Variants in SUMO3 observed in about 807,000 individuals in gnomAD.
SUMO3 encodes the protein small ubiquitin-related modifier 3.
Under a neutral mutation model 11.1 loss-of-function variants are expected in SUMO3, and 2 were observed. That is an observed-to-expected ratio of 0.18 (90% CI 0.07 to 0.57). The LOEUF is 0.57. SUMO3 is among the 20% of genes least tolerant of loss of function. The pLI is 0.92. For synonymous variants in SUMO3, 56 were observed against 53.5 expected (o/e 1.05, Z -0.20); for missense variants, 70 against 132.8 (o/e 0.53, Z 2.32).
chr21:44,816,777 TA>T (rs1417359504), intron 1 of SUMO3, among the ~76,000 whole-genome samples: 14 of 151,270 alleles, frequency 9.3e-5, no homozygotes, highest in African/African-American at 3.2e-4. Flanking sequence ...TGGGGGAGAC[TA>T]AAGCCCACCC....
chr21:44,805,776 G>A lies in SUMO3; in HGVS notation c.*1175C>T, dbSNP rs2083172426. 1 of 152,632 alleles carries A rather than the reference G, an allele frequency of 6.6e-6. No homozygotes were observed. The highest frequency in any genetic ancestry group is 1.5e-5 in the Non-Finnish European group (1 of 68,038). The allele number at this position is 152,632 out of a possible 1,614,324, so 9.5% of individuals were successfully genotyped here. On this transcript the variant is annotated 3_prime_UTR_variant, in exon 4 of 4. Transcript: ENST00000332859. The stretch of plus-strand genomic sequence containing the variant: ...TCAGCAAGATTTCAAGCAAGCAAGA[G>A]ATGATGGGTCATTGTTCAGGTGACT...
intron 1 of SUMO3, among the ~76,000 whole-genome samples, chr21:44,815,138 G>A (rs543803556): frequency 4.6e-5 from 7 of 152,322 alleles, no homozygotes; most frequent in South Asian, 2.1e-4. Context: ...TACATCACAC[G>A]CCTGTTCTCT....
At chr21:44,809,525 G>A (rs2083197993) in intron 2 of SUMO3, among the ~76,000 whole-genome samples, 1 of 152,198 alleles carries the variant, frequency 6.6e-6, no homozygotes, top group South Asian at 2.1e-4. Flanking sequence ...AGTGGTCCAT[G>A]GCAGAAGGAA....
rs1053077530 is a variant in SUMO3, at chr21:44,811,934, C to T, written c.150+2042G>A. Among the ~76,000 whole-genome samples the T allele has an allele frequency of 2.6e-5, 4 of 152,064 alleles. No homozygotes were observed. Among genetic ancestry groups the T allele is most frequent in the Non-Finnish European group, 4.4e-5 (3 of 68,030 alleles). ...TGCCCAGCAGCATGAGTGAGAAAAT[C>T]ACCCACCTCTGAGGCACATAAGGAA... On this transcript the variant is annotated intron_variant, in intron 2 of 3. Coordinates refer to ENST00000332859, the MANE Select transcript of SUMO3 (RefSeq NM_006936.3). This position sits in a 1 kb window ranked among gnomAD's most constrained non-coding sequence, Gnocchi z 5.0.
intron 1 of SUMO3, among the ~76,000 whole-genome samples, chr21:44,815,711 G>A (rs983449544): frequency 6.6e-6 from 1 of 152,154 alleles, no homozygotes; most frequent in East Asian, 1.9e-4. Context: ...CCCCCACAGG[G>A]TAATGGCTGC....
At chr21:44,817,470 C>T (rs1027335331) in intron 1 of SUMO3, among the ~76,000 whole-genome samples, 32 of 152,026 alleles carry the variant, frequency 2.1e-4, no homozygotes, top group Non-Finnish European at 3.8e-4. Flanking sequence ...TAACCCCAGA[C>T]GCTTGTTCCC....
intron 2 of SUMO3, among the ~76,000 whole-genome samples, chr21:44,812,021 C>G (rs1175595413): frequency 6.8e-6 from 1 of 147,324 alleles, no homozygotes; most frequent in Non-Finnish European, 1.5e-5. Flanking sequence ...ACAAACAAAG[C>G]ACAGAGAATC....
intron 3 of SUMO3, chr21:44,808,622 G>T (rs958079369): frequency 9.5e-6 from 13 of 1,365,490 alleles, no homozygotes; most frequent in South Asian, 4.0e-5. Context: ...TGAGAGAAAC[G>T]AGCTGTGCAG....
intron 1 of SUMO3, 58 bp downstream of exon 1, chr21:44,817,890 G>A (rs1569310493): frequency 4.2e-3 from 1 of 238 alleles, no homozygotes; most frequent in South Asian, 0.25. Flanking sequence ...GGGCGGAGCC[G>A]GGCTGGGGGC....
chr21:44,817,629 G>T (rs1391645345), intron 1 of SUMO3, among the ~76,000 whole-genome samples: 1 of 150,488 alleles, frequency 6.6e-6, no homozygotes, highest in Non-Finnish European at 1.5e-5. Context: ...GCCGCGCTCT[G>T]CAGGAGCAGC....
rs750770742 is a variant in SUMO3, at chr21:44,814,013, G to A, written c.113C>T (p.Pro38Leu). ...VVQFKIKRHT[P>L]LSKLMKAYCE... ...GTAGGCCTTCATCAGCTTGCTCAGCGGCGTGTGCCTCTTGATCTTGAACTG... is the reference window on the plus strand; with the variant it reads ...GTAGGCCTTCATCAGCTTGCTCAGCAGCGTGTGCCTCTTGATCTTGAACTG... Residue 38 changes from proline (P) to leucine (L), a missense_variant, in exon 2 of 4, where the codon CCG (proline) becomes CTG (leucine). Transcript: ENST00000332859. 7.4e-6 allele frequency: 12 copies of A among 1,613,272 alleles called. No individual in the cohort carries two copies. The highest frequency in any genetic ancestry group is 2.2e-5 in the East Asian group (1 of 44,890).
At chr21:44,816,602 C>CA (rs1345158958) in intron 1 of SUMO3, among the ~76,000 whole-genome samples, 1 of 152,206 alleles carries the variant, frequency 6.6e-6, no homozygotes, top group African/African-American at 2.4e-5. Flanking sequence ...TGGGATGTAA[C>CA]ATAGAGGCCG....
At position 44,811,802 on chromosome 21, in the gene SUMO3, C is replaced by G. The variant is rs911637659; in HGVS notation, c.150+2174G>C. On this transcript the variant is annotated intron_variant, in intron 2 of 3. Transcript: ENST00000332859. This position sits in a 1 kb window ranked among gnomAD's most constrained non-coding sequence, Gnocchi z 5.0. ...CTAGGACAATGAGCAGCAGGAGGAA[C>G]AGGAACTCCAAAAAGAGGGAACAGA... Among the ~76,000 whole-genome samples the G allele has an allele frequency of 9.9e-5, 15 of 152,164 alleles. 1 individual carries two copies. In the South Asian group the frequency reaches 3.1e-3, roughly 32 times the overall value.
At position 44,807,045 on chromosome 21, in the gene SUMO3, C is replaced by T. The variant is rs376716020; in HGVS notation, c.223-5G>A. The T allele has an allele frequency of 1.2e-5, 19 of 1,613,518 alleles. No homozygotes were observed. The African/African-American group carries it at 2.4e-4, about 20-fold the overall frequency. ...GTCCTCGTCCTCCATCTCCAGCTGT[C>T]ATGGTTGTCACAACAGGCACAGCGA... On this transcript the variant is annotated splice_polypyrimidine_tract_variant and splice_region_variant and intron_variant, in intron 3 of 3. Transcript: ENST00000332859. This position sits in a 1 kb window ranked among gnomAD's most constrained non-coding sequence, Gnocchi z 4.3.
chr21:44,814,935 TG>T (rs1569309453), intron 1 of SUMO3, among the ~76,000 whole-genome samples: 1 of 152,238 alleles, frequency 6.6e-6, no homozygotes, highest in East Asian at 1.9e-4. Context: ...GTCAAGAGAC[TG>T]GGAGCCAACT....
At chr21:44,813,057 A>G (rs17217834) in intron 2 of SUMO3, among the ~76,000 whole-genome samples, 15,799 of 152,324 alleles carry the variant, frequency 0.1, 1,115 homozygotes, top group Middle Eastern at 0.21. Flanking sequence ...CTGCTTGCCA[A>G]TAAAGAATGC....
intron 1 of SUMO3, among the ~76,000 whole-genome samples, 175 bp downstream of exon 1, chr21:44,817,773 G>A (rs2083256148): frequency 6.7e-6 from 1 of 149,210 alleles, no homozygotes; most frequent in Non-Finnish European, 1.5e-5. Context: ...GCGCTTCGCG[G>A]GGGCAGAGGG....
At chr21:44,815,585 G>C (rs947051372) in intron 1 of SUMO3, among the ~76,000 whole-genome samples, 8 of 150,990 alleles carry the variant, frequency 5.3e-5, no homozygotes, top group African/African-American at 1.7e-4. Flanking sequence ...AGGCAGGATG[G>C]AAGTGGGGAC....
Position 44,807,904 on chromosome 21 carries a change from C to T in SUMO3, c.223-864G>A, listed in dbSNP as rs947806717. Among the ~76,000 whole-genome samples the T allele has an allele frequency of 6.6e-6, 1 of 152,250 alleles. No individual in the cohort carries two copies. The highest frequency in any genetic ancestry group is 2.4e-5 in the African/African-American group (1 of 41,474). ...CTCTCAGCAGCTTCTCCCTGGTGAA[C>T]ACTCCCAGAGCTGCCACTGCCTCAG... On this transcript the variant is annotated intron_variant, in intron 3 of 3. Coordinates refer to ENST00000332859, the MANE Select transcript of SUMO3 (RefSeq NM_006936.3). The surrounding 1 kb of genome is among the most constrained non-coding windows in gnomAD (Gnocchi z 4.3).
Sources: allele counts gnomAD v4.1 joint callset (sites outside exome capture counted in the v4.1 genomes callset), GRCh38; gene constraint gnomAD v4.1.1; non-coding constraint Gnocchi (gnomAD v3.1); transcripts MANE v1.5; gene names NCBI Gene and HGNC (gene_info 2026-07-23, HGNC 2026-07-21).